Variants in ARSJ observed in about 807,000 individuals in gnomAD.
ARSJ encodes the protein arylsulfatase family member J.
A neutral mutation model predicts 35.9 loss-of-function variants in ARSJ; 26 were observed. The ratio of observed to expected loss-of-function variants is 0.72; its 90% CI spans 0.53 to 1.00. The LOEUF (loss-of-function observed/expected upper bound fraction) is 1.00. Ranked by LOEUF, ARSJ falls within the 50% of genes least tolerant of loss-of-function variation. ARSJ has a pLI of 0.00. For synonymous variants in ARSJ, 294 were observed against 267.6 expected, an observed-to-expected ratio of 1.10 and a Z score of -0.96; for missense variants, 667 against 723.6, an observed-to-expected ratio of 0.92 and a Z score of 0.90.
At chr4:113,927,569 T>TG (rs1460754980) in intron 1 of ARSJ, among the ~76,000 whole-genome samples, 2 of 152,336 alleles carry the variant, frequency 1.3e-5, no homozygotes, top group African/African-American at 4.8e-5. Flanking sequence ...AAATTGCTTC[T>TG]GGGGTCCTTA....
intron 1 of ARSJ, among the ~76,000 whole-genome samples, chr4:113,935,791 T>A (rs1724731058): frequency 6.6e-6 from 1 of 151,942 alleles, no homozygotes; most frequent in Admixed American, 6.6e-5. Flanking sequence ...GTGGGTCAGA[T>A]GTATTCCAAG....
intron 1 of ARSJ, among the ~76,000 whole-genome samples, chr4:113,918,058 T>C (rs1490353904): frequency 6.6e-6 from 1 of 152,200 alleles, no homozygotes. Flanking sequence ...TATTGTCTGC[T>C]CTTACCTAAC....
chr4:113,910,671 G>T (rs1407349500), intron 1 of ARSJ, among the ~76,000 whole-genome samples: 3 of 152,076 alleles, frequency 2.0e-5, no homozygotes, highest in Non-Finnish European at 4.4e-5. Flanking sequence ...TTCTGGAAAG[G>T]GGTGAAAGTG....
At chr4:113,943,715 C>A (rs766087380) in intron 1 of ARSJ, among the ~76,000 whole-genome samples, 1 of 151,860 alleles carries the variant, frequency 6.6e-6, no homozygotes, top group Non-Finnish European at 1.5e-5. Context: ...TGAGCTGACA[C>A]CTGAGTAATG....
Position 113,901,944 on chromosome 4 carries a change from T to G in ARSJ, c.*330A>C. Reference sequence around the variant, plus strand: ...TAGCATGCTTGCGGATGGTAGGTTATTGTTCTCCTCCTATAATTCAAAGCA... The same window carrying G: ...TAGCATGCTTGCGGATGGTAGGTTAGTGTTCTCCTCCTATAATTCAAAGCA... On this transcript the variant is annotated 3_prime_UTR_variant, in exon 2 of 2. Coordinates refer to ENST00000315366, the MANE Select transcript of ARSJ (RefSeq NM_024590.4). The G allele has an allele frequency of 1.0e-5, 4 of 401,644 alleles. No homozygotes were observed. The highest frequency in any genetic ancestry group is 1.8e-5 in the Non-Finnish European group (4 of 222,270). The allele number at this position is 401,644 out of a possible 1,614,324, so 24.9% of individuals were successfully genotyped here.
chr4:113,972,486 C>T (rs990698548), intron 1 of ARSJ, among the ~76,000 whole-genome samples: 1 of 152,036 alleles, frequency 6.6e-6, no homozygotes, highest in Non-Finnish European at 1.5e-5. Context: ...AATATGCCCA[C>T]TGTTATTTAG....
chr4:113,921,309 A>G (rs1723664911), intron 1 of ARSJ, among the ~76,000 whole-genome samples: 2 of 152,168 alleles, frequency 1.3e-5, no homozygotes, highest in African/African-American at 4.8e-5. Flanking sequence ...GGAAGATTAC[A>G]AAGAACAGAT....
At chr4:113,962,481 A>G (rs983745063) in intron 1 of ARSJ, among the ~76,000 whole-genome samples, 6 of 130,680 alleles carry the variant, frequency 4.6e-5, no homozygotes, top group African/African-American at 1.4e-4. Flanking sequence ...TGGAGCAGGC[A>G]CCTTTTTTTT....
Position 113,902,233 on chromosome 4 carries a change from A to G in ARSJ, c.*41T>C. 6.2e-7 allele frequency: 1 copy of G among 1,602,034 alleles called. No homozygotes were observed. Among genetic ancestry groups the G allele is most frequent in the African/African-American group, 1.3e-5 (1 of 75,056 alleles). ...TTTACCTAGGAAACAGATGAAAGATAAGAACTGATTAAAGTTTAACCAAAC... is the reference window on the plus strand; with the variant it reads ...TTTACCTAGGAAACAGATGAAAGATGAGAACTGATTAAAGTTTAACCAAAC... On this transcript the variant is annotated 3_prime_UTR_variant, in exon 2 of 2. Transcript: ENST00000315366.
intron 1 of ARSJ, among the ~76,000 whole-genome samples, chr4:113,955,438 A>G (rs918013695): frequency 4.8e-5 from 7 of 144,868 alleles, no homozygotes; most frequent in African/African-American, 1.8e-4. Flanking sequence ...GATATTTAGG[A>G]AAAAAAAAAA....
intron 1 of ARSJ, among the ~76,000 whole-genome samples, chr4:113,928,967 C>T (rs779399661): frequency 6.6e-6 from 1 of 152,050 alleles, no homozygotes; most frequent in Non-Finnish European, 1.5e-5. Context: ...TCACAGTGGG[C>T]CATCTTTAAA....
chr4:113,977,751 T>G (rs1385535357), intron 1 of ARSJ, among the ~76,000 whole-genome samples: 1 of 152,222 alleles, frequency 6.6e-6, no homozygotes, highest in African/African-American at 2.4e-5. Context: ...CCAAATAGTC[T>G]GATTTCTGTT....
At chr4:113,975,242 C>T (rs916755279) in intron 1 of ARSJ, among the ~76,000 whole-genome samples, 17 of 152,240 alleles carry the variant, frequency 1.1e-4, no homozygotes, top group African/African-American at 3.6e-4. Context: ...GTTTCCTTCA[C>T]ATTTGTTAAC....
chr4:113,931,885 A>C (rs1385042013), intron 1 of ARSJ, among the ~76,000 whole-genome samples: 2 of 152,060 alleles, frequency 1.3e-5, no homozygotes, highest in Non-Finnish European at 2.9e-5. Flanking sequence ...CCAATCGGTA[A>C]AGAATGGTGA....
intron 1 of ARSJ, among the ~76,000 whole-genome samples, chr4:113,920,433 C>T (rs1723595897): frequency 6.6e-6 from 1 of 152,194 alleles, no homozygotes; most frequent in East Asian, 1.9e-4. Flanking sequence ...ATTGGTGATA[C>T]CCTAAAGAAA....
At position 113,932,416 on chromosome 4, in the gene ARSJ, A is replaced by T. The variant is rs545067748; in HGVS notation, c.399-28741T>A. On this transcript the variant is annotated intron_variant, in intron 1 of 1. Transcript: ENST00000315366. ...TAACCCAGAATACATATTATTTTCA[A>T]CAGCAAATGGAACATTTTCCAGAAT... Among the ~76,000 whole-genome samples, 78 of 152,232 alleles carry T rather than the reference A, an allele frequency of 5.1e-4. 1 individual carries two copies. The highest frequency in any genetic ancestry group is 1.6e-3 in the African/African-American group (65 of 41,582).
rs1416267873 is a variant in ARSJ at position 113,954,740 on chromosome 4, C to T, written c.398+23697G>A. 2.0e-5 allele frequency among the ~76,000 whole-genome samples: 3 copies of T among 152,186 alleles called. No homozygotes were observed. In the East Asian group the frequency reaches 5.8e-4, roughly 30 times the overall value. ...CACTGGGCACTTACTGAGCAATGTC[C>T]TACTTGCTGAAAATGGAATCTTATA... On this transcript the variant is annotated intron_variant, in intron 1 of 1. Transcript: ENST00000315366.
At position 113,902,989 on chromosome 4, in the gene ARSJ, G is replaced by A; in HGVS notation, c.1085C>T (p.Pro362Leu). ...GIRAVGFVHS[P>L]LLKNKGTVCK... ...CACTGTTCCCTTGTTTTTCAGAAGT[G>A]GGCTATGCACAAAGCCTACAGCCCG... is the stretch of plus-strand genomic sequence containing the variant. The change falls in exon 2 of 2, where the codon CCA becomes CTA. Residue 362 changes from proline to leucine, a missense_variant. Transcript: ENST00000315366. The A allele has an allele frequency of 6.2e-7, 1 of 1,614,070 alleles. No individual in the cohort carries two copies. The highest frequency in any genetic ancestry group is 8.5e-7 in the Non-Finnish European group (1 of 1,180,016).
At position 113,914,117 on chromosome 4, in the gene ARSJ, G is replaced by A. The variant is rs564853839; in HGVS notation, c.399-10442C>T. Among the ~76,000 whole-genome samples the A allele has an allele frequency of 8.5e-5, 13 of 152,062 alleles. No individual in the cohort carries two copies. In the East Asian group the frequency reaches 2.5e-3, roughly 29 times the overall value. On this transcript the variant is annotated intron_variant, in intron 1 of 1. Coordinates refer to ENST00000315366, the MANE Select transcript of ARSJ (RefSeq NM_024590.4). ...GCCTCCCGAGTAGCTGGGATTACAG[G>A]CACCCACCACCACGCCCAGCTAATT...
Sources: gnomAD v4.1 joint callset for allele counts (sites outside exome capture counted in the v4.1 genomes callset) on GRCh38, gnomAD v4.1.1 for gene constraint, MANE v1.5 for transcripts, NCBI Gene and HGNC (gene_info 2026-07-23, HGNC 2026-07-21) for gene names.